The following PTPN3 variants were observed in gnomAD, a reference collection of about 807,000 sequenced individuals.
The protein encoded by PTPN3 is tyrosine-protein phosphatase non-receptor type 3.
PTPN3 carries 96 observed loss-of-function variants against 132.7 expected under a neutral mutation model. The observed-to-expected ratio is 0.72, with a 90% CI of 0.61 to 0.86. The LOEUF is 0.86. PTPN3 is among the 40% of genes least tolerant of loss of function. The probability of loss-of-function intolerance (pLI) is 0.00; values close to 1 mark genes in which losing one functional copy is unlikely to be tolerated. For synonymous variants in PTPN3, 398 were observed against 429.0 expected, an observed-to-expected ratio of 0.93 and a Z score of 0.89; for missense variants, 1,125 against 1,159.6, an observed-to-expected ratio of 0.97 and a Z score of 0.43.
intron 14 of PTPN3, among the ~76,000 whole-genome samples, chr9:109,411,696 A>C (rs996519782): frequency 6.6e-6 from 1 of 152,240 alleles, no homozygotes; most frequent in Admixed American, 6.5e-5. Flanking sequence ...GCCCTTATCC[A>C]TGGATTTTTT....
At chr9:109,521,507 C>T in the PTPN3 span, among the ~76,000 whole-genome samples, 2 of 152,168 alleles carry the variant, frequency 1.3e-5, no homozygotes, top group African/African-American at 4.8e-5. Context: ...TTCCCTCTGC[C>T]TGCAACATGT....
At chr9:109,428,887 G>A (rs1296471480) in intron 10 of PTPN3, 1 of 985,400 alleles carries the variant, frequency 1.0e-6, no homozygotes. Flanking sequence ...TGAGCACTGC[G>A]TAAGGGCCAC....
the PTPN3 span, among the ~76,000 whole-genome samples, chr9:109,509,898 C>T: frequency 2.0e-5 from 3 of 151,934 alleles, no homozygotes; most frequent in Non-Finnish European, 2.9e-5. Context: ...AAGAGGTGAC[C>T]GTGGGAACAT....
intron 4 of PTPN3, among the ~76,000 whole-genome samples, chr9:109,456,794 T>C (rs554004318): frequency 1.3e-5 from 2 of 152,140 alleles, no homozygotes; most frequent in South Asian, 4.2e-4. Flanking sequence ...AACGCGACTA[T>C]GCTGTTGGAA....
chr9:109,482,082 A>G (rs10979886), intron 1 of PTPN3, among the ~76,000 whole-genome samples: 35,521 of 152,230 alleles, frequency 0.23, 4,495 homozygotes, highest in South Asian at 0.39. Flanking sequence ...GAATGAATGA[A>G]CAACTAATGC....
At chr9:109,508,596 A>G in the PTPN3 span, among the ~76,000 whole-genome samples, 1 of 152,224 alleles carries the variant, frequency 6.6e-6, no homozygotes, top group Non-Finnish European at 1.5e-5. Context: ...GTGAAGGGCT[A>G]TGTGCCCCTT....
At chr9:109,524,945 C>T in the PTPN3 span, among the ~76,000 whole-genome samples, 5 of 152,274 alleles carry the variant, frequency 3.3e-5, no homozygotes, top group Middle Eastern at 3.4e-3. Flanking sequence ...GCCGTGTTGT[C>T]CAGGCTGGTT....
rs191413506 is a variant in PTPN3 at position 109,446,976 on chromosome 9, T to C, written c.414-1684A>G. Reference sequence around the variant, plus strand: ...GGGACAATTTGACACCTAGGAAAAGTGCTCCATATGTTCCACTGGGCCTGT... The same window carrying C: ...GGGACAATTTGACACCTAGGAAAAGCGCTCCATATGTTCCACTGGGCCTGT... On this transcript the variant is annotated intron_variant, in intron 6 of 25. Coordinates refer to ENST00000374541, the MANE Select transcript of PTPN3 (RefSeq NM_002829.4). Among the ~76,000 whole-genome samples, 5 of 152,262 alleles carry C rather than the reference T, an allele frequency of 3.3e-5. No homozygotes were observed. In the East Asian group the frequency reaches 9.7e-4, roughly 29 times the overall value.
intron 7 of PTPN3, among the ~76,000 whole-genome samples, chr9:109,440,647 G>A (rs111944631): frequency 2.2e-4 from 34 of 152,210 alleles, no homozygotes; most frequent in African/African-American, 8.2e-4. Context: ...TCAAGGTGGA[G>A]TCCTATGAAC....
chr9:109,497,824 G>GC (rs1161915016), intron 1 of PTPN3, among the ~76,000 whole-genome samples: 1 of 151,868 alleles, frequency 6.6e-6, no homozygotes, highest in African/African-American at 2.4e-5. Flanking sequence ...CGGGCTGTGT[G>GC]CCCCCTCGGA....
chr9:109,414,225 A>G (rs1842304241), intron 14 of PTPN3, among the ~76,000 whole-genome samples: 1 of 152,232 alleles, frequency 6.6e-6, no homozygotes, highest in South Asian at 2.1e-4. Flanking sequence ...AGTGAAGGCG[A>G]GTTAAATGGT....
At chr9:109,399,017 T>C (rs988566375) in intron 19 of PTPN3, among the ~76,000 whole-genome samples, 9 of 152,122 alleles carry the variant, frequency 5.9e-5, no homozygotes, top group Non-Finnish European at 1.0e-4. Flanking sequence ...TTTAGGCAGT[T>C]TGGGGCCAAT....
In PTPN3 at chr9:109,408,327, C is replaced by T; in HGVS notation, c.1629G>A (p.Glu543=). The change falls in exon 17 of 26, where the codon GAG becomes GAA. Residue 543 remains glutamate, a synonymous_variant. Coordinates refer to ENST00000374541, the MANE Select transcript of PTPN3 (RefSeq NM_002829.4). ...MPLVVSRINP[E]SPADTCIPKL... ...ATGGAATGTATTTACTTACAGGTGA[C>T]TCTGGGTTTATCCTTGATACCACAA... 1 of 1,573,414 alleles carries T rather than the reference C, an allele frequency of 6.4e-7. No individual in the cohort carries two copies.
intron 5 of PTPN3, among the ~76,000 whole-genome samples, chr9:109,452,723 CTTT>C (rs1395756737): frequency 6.6e-6 from 1 of 152,010 alleles, no homozygotes; most frequent in Non-Finnish European, 1.5e-5. Context: ...CACCTGACTA[CTTT>C]TTTATTTTTA....
At chr9:109,533,803 A>G in the PTPN3 span, 1 of 993,814 alleles carries the variant, frequency 1.0e-6, no homozygotes, top group Non-Finnish European at 1.5e-6. Context: ...CTTGGGGAGC[A>G]CGCTCCCATC....
intron 6 of PTPN3, among the ~76,000 whole-genome samples, chr9:109,447,775 A>G (rs1465140917): frequency 1.3e-5 from 2 of 152,148 alleles, no homozygotes; most frequent in Non-Finnish European, 2.9e-5. Flanking sequence ...CTTGTGCACA[A>G]TGATACTATC....
intron 1 of PTPN3, among the ~76,000 whole-genome samples, chr9:109,480,356 G>A (rs1475494009): frequency 6.6e-6 from 1 of 151,928 alleles, no homozygotes; most frequent in South Asian, 2.1e-4. Flanking sequence ...GTAGAGACGG[G>A]GTTTCACCAT....
At chr9:109,492,870 G>A (rs943990450) in intron 1 of PTPN3, among the ~76,000 whole-genome samples, 2 of 152,146 alleles carry the variant, frequency 1.3e-5, no homozygotes, top group Non-Finnish European at 2.9e-5. Context: ...GCCAGCTCCC[G>A]AAGAGCTTCT....
chr9:109,400,813 T>A (rs1342179573), intron 19 of PTPN3, among the ~76,000 whole-genome samples: 2 of 152,266 alleles, frequency 1.3e-5, no homozygotes, highest in Non-Finnish European at 2.9e-5. Flanking sequence ...TAAGTGCTCA[T>A]GAAAGCTTTC....
Sources: allele counts gnomAD v4.1 joint callset (sites outside exome capture counted in the v4.1 genomes callset), GRCh38; gene constraint gnomAD v4.1.1; transcripts MANE v1.5; gene names NCBI Gene and HGNC (gene_info 2026-07-23, HGNC 2026-07-21).